DSTN: variants seen among roughly 807,000 people sequenced by gnomAD.
DSTN encodes the protein destrin.
DSTN carries 10 observed loss-of-function variants against 16.8 expected under a neutral mutation model. The observed-to-expected ratio is 0.60, with a 90% CI of 0.37 to 1.01. The LOEUF (loss-of-function observed/expected upper bound fraction) is 1.01. Ranked by LOEUF, DSTN falls within the 50% of genes least tolerant of loss-of-function variation. The pLI is 0.01. For synonymous variants in DSTN, 57 were observed against 58.9 expected (o/e 0.97, Z 0.14); for missense variants, 141 against 196.7 (o/e 0.72, Z 1.69).
intron 1 of DSTN, chr20:17,596,906 A>C (rs147222975): frequency 1.1e-3 from 866 of 759,832 alleles, no homozygotes; most frequent in Non-Finnish European, 1.3e-3. Context: ...CAGAATTTAG[A>C]ATGTTTGAGA....
chr20:17,582,134 A>G (rs978192380), intron 1 of DSTN, among the ~76,000 whole-genome samples: 70 of 147,606 alleles, frequency 4.7e-4, no homozygotes, highest in African/African-American at 1.8e-3. Context: ...GCTGGAGTGC[A>G]ATAGCGTGAT....
intron 1 of DSTN, among the ~76,000 whole-genome samples, chr20:17,583,621 A>G (rs58742106): frequency 0.022 from 3,373 of 151,538 alleles, 111 homozygotes; most frequent in African/African-American, 0.077. Flanking sequence ...TTCCATTTAT[A>G]CAAAATGTCC....
At chr20:17,594,192 G>A (rs764509044) in intron 1 of DSTN, among the ~76,000 whole-genome samples, 2 of 152,174 alleles carry the variant, frequency 1.3e-5, no homozygotes, top group Non-Finnish European at 2.9e-5. Flanking sequence ...TCATGTTTAT[G>A]TAGAGGATGA....
intron 1 of DSTN, among the ~76,000 whole-genome samples, chr20:17,592,767 T>C: frequency 6.6e-6 from 1 of 152,116 alleles, no homozygotes; most frequent in Non-Finnish European, 1.5e-5. Context: ...CCATACAGAC[T>C]CCTTCCTTTC....
intron 3 of DSTN, among the ~76,000 whole-genome samples, chr20:17,606,326 G>A (rs757433848): frequency 1.3e-5 from 2 of 152,166 alleles, no homozygotes; most frequent in African/African-American, 2.4e-5. Context: ...AATTGAGCTC[G>A]TTTTTGCATT....
Position 17,601,051 on chromosome 20 carries a change from C to T in DSTN, c.311+6C>T. The T allele has an allele frequency of 6.3e-7, 1 of 1,585,352 alleles. No individual in the cohort carries two copies. The highest frequency in any genetic ancestry group is 1.2e-5 in the South Asian group (1 of 86,284). On this transcript the variant is annotated splice_donor_region_variant and intron_variant, in intron 2 of 3. Transcript: ENST00000246069. ...GAGTTGATGTTTTTTTTGTGGTAAG[C>T]ATGTTAGAAATATTGAGCCTCTGTA...
chr20:17,576,731 T>G (rs2035282993), intron 1 of DSTN, among the ~76,000 whole-genome samples: 1 of 152,224 alleles, frequency 6.6e-6, no homozygotes, highest in African/African-American at 2.4e-5. Context: ...GGAAGATTGT[T>G]TACTCCTTTG....
At chr20:17,587,422 C>T (rs997490695) in intron 1 of DSTN, among the ~76,000 whole-genome samples, 47 of 152,250 alleles carry the variant, frequency 3.1e-4, no homozygotes, top group African/African-American at 1.0e-3. Context: ...GCCACCACAC[C>T]TGGTTAAGTC....
intron 1 of DSTN, among the ~76,000 whole-genome samples, chr20:17,581,669 T>C (rs2035345660): frequency 6.6e-6 from 1 of 152,180 alleles, no homozygotes; most frequent in Non-Finnish European, 1.5e-5. Flanking sequence ...CAAAGATGGC[T>C]CGTAAGGCTT....
chr20:17,582,055 T>C (rs544605369), intron 1 of DSTN, among the ~76,000 whole-genome samples: 22 of 151,190 alleles, frequency 1.5e-4, no homozygotes, highest in African/African-American at 5.1e-4. Flanking sequence ...CAAGAAAAAG[T>C]CCCTGTCTCT....
intron 3 of DSTN, among the ~76,000 whole-genome samples, chr20:17,606,108 CAAAAA>C (rs112532016): frequency 7.4e-6 from 1 of 134,606 alleles, no homozygotes; most frequent in African/African-American, 2.7e-5. Flanking sequence ...AACTCTGTCT[CAAAAA>C]AAAAAAAAAG....
chr20:17,570,487 C>A (rs570450920), intron 1 of DSTN, among the ~76,000 whole-genome samples: 2 of 152,212 alleles, frequency 1.3e-5, no homozygotes, highest in Admixed American at 1.3e-4. Flanking sequence ...CTGCGGGTGT[C>A]TCCAGACCCG....
chr20:17,606,558 A>G (rs1442477578), intron 3 of DSTN, among the ~76,000 whole-genome samples: 2 of 152,254 alleles, frequency 1.3e-5, no homozygotes, highest in African/African-American at 4.8e-5. Flanking sequence ...GCTTTTTAGC[A>G]AAGTACAACA....
Position 17,607,432 on chromosome 20 carries a change from G to T in DSTN, c.*286G>T, listed in dbSNP as rs142914792. 66 of 301,194 alleles carry T rather than the reference G, an allele frequency of 2.2e-4. 1 individual carries two copies. The East Asian group carries it at 3.6e-3, about 16-fold the overall frequency. 18.7% of individuals were successfully genotyped at this position (301,194 alleles called of 1,614,324 possible). A position where few individuals can be genotyped will look rare whatever the true frequency, so the allele number is the denominator to read the frequency against. On this transcript the variant is annotated 3_prime_UTR_variant, in exon 4 of 4. Coordinates refer to ENST00000246069, the MANE Select transcript of DSTN (RefSeq NM_006870.4). The stretch of plus-strand genomic sequence containing the variant: ...TTTTAAATTACACAGTTCACAAACA[G>T]TAAAGGCCATGTGAAGAGAATTATT...
In DSTN at chr20:17,570,080, G is replaced by C. The variant is rs1020970351; in HGVS notation, c.-129G>C. On this transcript the variant is annotated 5_prime_UTR_variant, in exon 1 of 4. Transcript: ENST00000246069. ...TTCCGTCCTGAGGCGCGCCCGCCCC[G>C]GGGTAAGCTCGCGCCGCCGCGTCAG... 2.1e-6 allele frequency: 3 copies of C among 1,397,376 alleles called. No homozygotes were observed. Among genetic ancestry groups the C allele is most frequent in the Admixed American group, 2.5e-5 (1 of 39,648 alleles). The allele number at this position is 1,397,376 out of a possible 1,614,324, so 86.6% of individuals were successfully genotyped here.
intron 1 of DSTN, 28 bp downstream of exon 1, chr20:17,570,239 G>A: frequency 6.7e-7 from 1 of 1,492,000 alleles, no homozygotes; most frequent in Non-Finnish European, 8.9e-7. Context: ...CGAGGCGTGG[G>A]CCGAGGCGGC....
chr20:17,582,469 A>AGG (rs1361829182), intron 1 of DSTN, among the ~76,000 whole-genome samples: 1 of 152,338 alleles, frequency 6.6e-6, no homozygotes, highest in South Asian at 2.1e-4. Flanking sequence ...GATGAAAATA[A>AGG]GGGAATGAGA....
At chr20:17,596,935 T>C in intron 1 of DSTN, 1 of 630,260 alleles carries the variant, frequency 1.6e-6, no homozygotes. Context: ...TATTGATTGA[T>C]GTATTTAAAG....
intron 2 of DSTN, 140 bp from the exon 3 acceptor site, chr20:17,604,415 A>T: frequency 1.3e-6 from 1 of 792,720 alleles, no homozygotes; most frequent in Non-Finnish European, 2.0e-6. Context: ...GGGGAGGTAG[A>T]AAAAATGTGC....
Sources: gnomAD v4.1 joint callset for allele counts (sites outside exome capture counted in the v4.1 genomes callset) on GRCh38, gnomAD v4.1.1 for gene constraint, MANE v1.5 for transcripts, NCBI Gene and HGNC (gene_info 2026-07-23, HGNC 2026-07-21) for gene names.